Variants in TBX22 observed in about 807,000 individuals in gnomAD.
TBX22 encodes the protein T-box transcription factor TBX22.
Under a neutral mutation model 30.1 loss-of-function variants are expected in TBX22, and 8 were observed. The observed-to-expected ratio is 0.27, with a 90% CI of 0.16 to 0.48. TBX22 has a LOEUF of 0.48. TBX22 is among the 20% of genes least tolerant of loss of function. TBX22 has a pLI of 0.99. For missense variants in TBX22, 463 were observed against 400.5 expected (o/e 1.16, Z -1.33); for synonymous variants, 173 against 149.1 (o/e 1.16, Z -1.17).
At chrX:80,021,674 C>A (rs1394483323) in intron 1 of TBX22, among the ~76,000 whole-genome samples, 1 of 112,219 alleles carries the variant, frequency 8.9e-6, no homozygotes, top group Non-Finnish European at 1.9e-5. Flanking sequence ...AGCTCCAAAA[C>A]CCCCCTCCCT....
chrX:80,022,707 C>T (rs1248992637), intron 2 of TBX22: 2 of 434,747 alleles, frequency 4.6e-6, no homozygotes, highest in Non-Finnish European at 8.0e-6. Context: ...GCTCTCACCG[C>T]CAGCGGGTGG....
rs1720465879 is a variant in TBX22 at position 80,028,085 on chromosome X, A to G, written c.949+9A>G. On this transcript the variant is annotated intron_variant, in intron 8 of 8. Transcript: ENST00000373296. ...TGGCGCAGACACACAAAGTAAGAAAACTTGGAACGTTTGTTTTATTTTTAC... is the reference window on the plus strand; with the variant it reads ...TGGCGCAGACACACAAAGTAAGAAAGCTTGGAACGTTTGTTTTATTTTTAC... 2 of 1,194,853 alleles carry G rather than the reference A, an allele frequency of 1.7e-6. No individual in the cohort carries two copies. The highest frequency in any genetic ancestry group is 2.3e-6 in the Non-Finnish European group (2 of 881,662).
At chrX:80,030,408 G>A in intron 8 of TBX22, 90 bp from the exon 9 acceptor site, 1 of 1,090,584 alleles carries the variant, frequency 9.2e-7, no homozygotes, top group Non-Finnish European at 1.3e-6. Context: ...ATCTAAGGAT[G>A]AAGCACAGAT....
At chrX:80,019,943 C>T (rs1923604795) in intron 1 of TBX22, among the ~76,000 whole-genome samples, 2 of 111,527 alleles carry the variant, frequency 1.8e-5, no homozygotes, top group African/African-American at 3.3e-5. Context: ...CCAAGATATG[C>T]TATTTTCTTG....
intron 3 of TBX22, 125 bp downstream of exon 3, chrX:80,023,365 C>G (rs1306164472): frequency 1.0e-5 from 7 of 695,146 alleles, no homozygotes; most frequent in Non-Finnish European, 1.3e-5. Flanking sequence ...CCCCAACTCC[C>G]TGACATACAG....
At chrX:80,027,184 A>G (rs751580472) in intron 6 of TBX22, 72 bp from the exon 7 acceptor site, 122 of 609,278 alleles carry the variant, frequency 2.0e-4, no homozygotes, top group Admixed American at 7.2e-4. Context: ...GGTTGTAACC[A>G]CTATAAGCAA....
intron 3 of TBX22, among the ~76,000 whole-genome samples, chrX:80,023,662 T>C (rs1298692460): frequency 1.8e-5 from 2 of 111,766 alleles, no homozygotes; most frequent in Non-Finnish European, 3.8e-5. Context: ...CCTTTTGGCA[T>C]GGGACAGCCA....
rs1010167770 is a variant in TBX22, at chrX:80,020,507, T to C, written c.-2-1761T>C. Among the ~76,000 whole-genome samples, 7 of 112,214 alleles carry C rather than the reference T, an allele frequency of 6.2e-5. No homozygotes were observed. The South Asian group carries it at 1.5e-3, about 24-fold the overall frequency. ...TTACCTGTGAGGTTCACTTTGCCTG[T>C]CTAGGATAGGGACAGTGTCTTTCTC... On this transcript the variant is annotated intron_variant, in intron 1 of 8. Coordinates refer to ENST00000373296, the MANE Select transcript of TBX22 (RefSeq NM_001109878.2).
chrX:80,025,545 C>A, intron 4 of TBX22, 58 bp from the exon 5 acceptor site: 1 of 1,033,895 alleles, frequency 9.7e-7, no homozygotes, highest in Non-Finnish European at 1.4e-6. Context: ...AGGAACAGAA[C>A]ACAACAGCTC....
rs1170889545 is a variant in TBX22, at chrX:80,028,028, A to C, written c.901A>C (p.Arg301=). ...LDGLLETYPW[R]PSFTLDFKTF... ...TGGGCTTTTAGAGACCTACCCATGG[A>C]GGCCTTCTTTCACTCTCGATTTTAA... is the stretch of plus-strand genomic sequence containing the variant. The change falls in exon 8 of 9, where the codon AGG becomes CGG. Residue 301 remains arginine (R), a synonymous_variant. Coordinates refer to ENST00000373296, the MANE Select transcript of TBX22 (RefSeq NM_001109878.2). The C allele has an allele frequency of 8.3e-7, 1 of 1,211,245 alleles. No homozygotes were observed. Among genetic ancestry groups the C allele is most frequent in the Non-Finnish European group, 1.1e-6 (1 of 894,944 alleles).
At chrX:80,022,144 GT>G (rs905891377) in intron 1 of TBX22, 123 bp from the exon 2 acceptor site, 18 of 654,086 alleles carry the variant, frequency 2.8e-5, no homozygotes, top group Non-Finnish European at 4.0e-5. Flanking sequence ...GTTTTGTTTT[GT>G]TTTGTTTTTC....
chrX:80,030,451 C>T (rs947765772), intron 8 of TBX22, 47 bp from the exon 9 acceptor site: 2 of 1,197,132 alleles, frequency 1.7e-6, no homozygotes, highest in African/African-American at 1.8e-5. Flanking sequence ...ATTGCAGGAA[C>T]ATCAAATGTC....
Position 80,022,269 on chromosome X carries a change from G to T in TBX22, c.-1G>T, listed in dbSNP as rs767601225. 8.3e-7 allele frequency: 1 copy of T among 1,210,913 alleles called. No individual in the cohort carries two copies. Among genetic ancestry groups the T allele is most frequent in the Non-Finnish European group, 1.1e-6 (1 of 895,281 alleles). On this transcript the variant is annotated splice_region_variant and 5_prime_UTR_variant, in exon 2 of 9. Coordinates refer to ENST00000373296, the MANE Select transcript of TBX22 (RefSeq NM_001109878.2). ...AAAGAATCCCTTCACCCCCTCCAGG[G>T]ATGGCTCTGAGCTCTCGGGCGCGTG...
intron 8 of TBX22, among the ~76,000 whole-genome samples, chrX:80,028,399 G>A (rs190851219): frequency 8.9e-6 from 1 of 112,365 alleles, no homozygotes; most frequent in East Asian, 2.8e-4. Flanking sequence ...TGCCTGTGGT[G>A]CATTTGCAGC....
Position 80,031,223 on chromosome X carries a change from T to A in TBX22, c.*112T>A, listed in dbSNP as rs750832531. On this transcript the variant is annotated 3_prime_UTR_variant, in exon 9 of 9. Transcript: ENST00000373296. ...TAAAAAGCATCATTACAATACAGTATTTCTTTGTTATACATTTAAAGATTT... is the reference window on the plus strand; with the variant it reads ...TAAAAAGCATCATTACAATACAGTAATTCTTTGTTATACATTTAAAGATTT... The A allele has an allele frequency of 3.0e-5, 21 of 707,996 alleles. No homozygotes were observed. Among genetic ancestry groups the A allele is most frequent in the Middle Eastern group, 4.5e-4 (1 of 2,232 alleles). The allele number at this position is 707,996 out of a possible 1,213,427, so 58.3% of individuals were successfully genotyped here.
At position 80,031,139 on chromosome X, in the gene TBX22, A is replaced by G. The variant is rs1427055039; in HGVS notation, c.*28A>G. On this transcript the variant is annotated 3_prime_UTR_variant, in exon 9 of 9. Transcript: ENST00000373296. ...AGACAATAGCATTTCTAGAACAATTACATGTAAACAAATATTTTCTTTATT... is the reference window on the plus strand; with the variant it reads ...AGACAATAGCATTTCTAGAACAATTGCATGTAAACAAATATTTTCTTTATT... 5.9e-6 allele frequency: 7 copies of G among 1,179,004 alleles called. No individual in the cohort carries two copies.
chrX:80,022,943 C>T, intron 2 of TBX22, 117 bp from the exon 3 acceptor site: 3 of 763,854 alleles, frequency 3.9e-6, no homozygotes, highest in Non-Finnish European at 5.9e-6. Context: ...GAATCTGTCG[C>T]CAAAGTTCCT....
At position 80,014,826 on chromosome X, in the gene TBX22, T is replaced by C. The variant is rs970853062; in HGVS notation, c.-64T>C. ...GAATGAGCTCTGACTGAGACTTGACTTCAGAACCACTGGGCTGGCCTGGCC... is the reference window on the plus strand; with the variant it reads ...GAATGAGCTCTGACTGAGACTTGACCTCAGAACCACTGGGCTGGCCTGGCC... On this transcript the variant is annotated 5_prime_UTR_variant, in exon 1 of 9. Coordinates refer to ENST00000373296, the MANE Select transcript of TBX22 (RefSeq NM_001109878.2). The C allele has an allele frequency of 1.8e-5, 2 of 112,308 alleles. No individual in the cohort carries two copies. Among genetic ancestry groups the C allele is most frequent in the African/African-American group, 6.5e-5 (2 of 30,863 alleles). 9.3% of individuals were successfully genotyped at this position (112,308 alleles called of 1,213,427 possible).
chrX:80,025,519 C>A, intron 4 of TBX22, 84 bp from the exon 5 acceptor site: 1 of 795,852 alleles, frequency 1.3e-6, no homozygotes, highest in Non-Finnish European at 1.9e-6. Context: ...CTGGGCTAAT[C>A]TGGAGTGAAG....
Sources: allele counts gnomAD v4.1 joint callset (sites outside exome capture counted in the v4.1 genomes callset), GRCh38; gene constraint gnomAD v4.1.1; transcripts MANE v1.5; gene names NCBI Gene and HGNC (gene_info 2026-07-23, HGNC 2026-07-21).